The following RPS6KC1 variants were observed in gnomAD, a reference collection of about 807,000 sequenced individuals.
RPS6KC1 encodes the protein inactive ribosomal protein S6 kinase delta-1.
A neutral mutation model predicts 103.8 loss-of-function variants in RPS6KC1; 54 were observed. That is an observed-to-expected ratio of 0.52 (90% CI 0.42 to 0.65). The LOEUF (loss-of-function observed/expected upper bound fraction) is 0.65. Ranked by LOEUF, RPS6KC1 falls within the 30% of genes least tolerant of loss-of-function variation. The pLI, the probability that RPS6KC1 is intolerant of heterozygous loss-of-function variation, is 0.00. For synonymous variants in RPS6KC1, 439 were observed against 438.7 expected, an observed-to-expected ratio of 1.00 and a Z score of -0.01; for missense variants, 1,151 against 1,253.8, an observed-to-expected ratio of 0.92 and a Z score of 1.24.
At chr1:213,221,492 C>G in intron 8 of RPS6KC1, among the ~76,000 whole-genome samples, 1 of 152,250 alleles carries the variant, frequency 6.6e-6, no homozygotes, top group Non-Finnish European at 1.5e-5. Context: ...AGATGGTAAA[C>G]CTTCAGGCTG....
At chr1:213,144,959 C>T (rs2087562218) in intron 6 of RPS6KC1, among the ~76,000 whole-genome samples, 1 of 152,018 alleles carries the variant, frequency 6.6e-6, no homozygotes, top group African/African-American at 2.4e-5. Flanking sequence ...CCTGTAATCC[C>T]ACCTACTCAG....
the RPS6KC1 span, among the ~76,000 whole-genome samples, chr1:213,436,113 T>C: frequency 6.6e-6 from 1 of 152,226 alleles, no homozygotes; most frequent in Non-Finnish European, 1.5e-5. Context: ...TTTTGGGAGT[T>C]TCTCAGGTAG....
At chr1:213,277,431 G>A (rs1379408466), downstream of RPS6KC1, among the ~76,000 whole-genome samples, 1 of 152,212 alleles carries the variant, frequency 6.6e-6, no homozygotes, top group Non-Finnish European at 1.5e-5. Flanking sequence ...CGGTGTAAGA[G>A]AGAAAGTAAC....
At chr1:213,425,429 C>T in the RPS6KC1 span, among the ~76,000 whole-genome samples, 1 of 152,084 alleles carries the variant, frequency 6.6e-6, no homozygotes, top group East Asian at 1.9e-4. Context: ...AAGAGAGATA[C>T]AATAATCTGC....
chr1:213,142,704 C>T (rs966368292), intron 6 of RPS6KC1, among the ~76,000 whole-genome samples: 18 of 152,012 alleles, frequency 1.2e-4, no homozygotes, highest in African/African-American at 4.1e-4. Context: ...CGGCAGCCAG[C>T]AACATAAAAG....
chr1:213,512,420 G>C, the RPS6KC1 span, among the ~76,000 whole-genome samples: 1 of 152,168 alleles, frequency 6.6e-6, no homozygotes, highest in Non-Finnish European at 1.5e-5. Context: ...TTTATAAACT[G>C]AGAAGACTCA....
intron 3 of RPS6KC1, among the ~76,000 whole-genome samples, chr1:213,086,287 G>C (rs1369530825): frequency 6.6e-6 from 1 of 152,188 alleles, no homozygotes. Context: ...AAATTTTGTT[G>C]TCAGTTACTG....
chr1:213,116,954 A>T (rs957286752), intron 4 of RPS6KC1, among the ~76,000 whole-genome samples: 9 of 152,164 alleles, frequency 5.9e-5, no homozygotes, highest in African/African-American at 2.2e-4. Flanking sequence ...TTTTGAGGGT[A>T]ACCTGACCTT....
At chr1:213,133,264 TACTGAAAGTGGC>T (rs1293049579) in intron 6 of RPS6KC1, among the ~76,000 whole-genome samples, 2 of 152,182 alleles carry the variant, frequency 1.3e-5, no homozygotes, top group African/African-American at 4.8e-5. Flanking sequence ...GTTTATATAT[TACTGAAAGTGGC>T]GGATATGATT....
At chr1:213,705,954 C>G in the RPS6KC1 span, among the ~76,000 whole-genome samples, 1 of 152,206 alleles carries the variant, frequency 6.6e-6, no homozygotes, top group Non-Finnish European at 1.5e-5. Flanking sequence ...AGCATGTATC[C>G]AAGATGCAAG....
At chr1:213,584,096 G>A in the RPS6KC1 span, among the ~76,000 whole-genome samples, 15 of 152,134 alleles carry the variant, frequency 9.9e-5, no homozygotes, top group Admixed American at 2.0e-4. Context: ...AGTGTCATGA[G>A]TTCTGATGTT....
the RPS6KC1 span, among the ~76,000 whole-genome samples, chr1:213,759,629 C>T: frequency 1.3e-5 from 2 of 152,330 alleles, no homozygotes; most frequent in South Asian, 4.1e-4. Flanking sequence ...CACATCACCT[C>T]TGTCCTCAGC....
At chr1:213,578,698 C>G in the RPS6KC1 span, among the ~76,000 whole-genome samples, 3 of 152,132 alleles carry the variant, frequency 2.0e-5, no homozygotes, top group African/African-American at 7.2e-5. Flanking sequence ...GCCAATTTCT[C>G]CCATTTGGAT....
chr1:213,086,381 GC>G (rs2148617660), intron 3 of RPS6KC1, among the ~76,000 whole-genome samples: 1 of 152,260 alleles, frequency 6.6e-6, no homozygotes, highest in Non-Finnish European at 1.5e-5. Context: ...GTAGTTCCTT[GC>G]CCATGAAGTT....
chr1:213,844,886 C>T, the RPS6KC1 span, among the ~76,000 whole-genome samples: 1 of 152,140 alleles, frequency 6.6e-6, no homozygotes, highest in Non-Finnish European at 1.5e-5. Flanking sequence ...TGCACACCTT[C>T]CCTACCTCCA....
chr1:213,484,354 A>G, the RPS6KC1 span, among the ~76,000 whole-genome samples: 1 of 152,180 alleles, frequency 6.6e-6, no homozygotes, highest in Non-Finnish European at 1.5e-5. Context: ...TTAATGGGGA[A>G]GGATCTTCTT....
the RPS6KC1 span, among the ~76,000 whole-genome samples, chr1:213,613,003 G>A: frequency 6.6e-6 from 1 of 152,138 alleles, no homozygotes; most frequent in African/African-American, 2.4e-5. Flanking sequence ...GACTCTCATC[G>A]CTTTTATGTC....
At chr1:213,656,545 G>A in the RPS6KC1 span, among the ~76,000 whole-genome samples, 3 of 152,134 alleles carry the variant, frequency 2.0e-5, no homozygotes, top group Non-Finnish European at 4.4e-5. Flanking sequence ...CATTTTTACC[G>A]AAGAGTCAAA....
At chr1:213,396,834 G>C in the RPS6KC1 span, among the ~76,000 whole-genome samples, 6 of 152,206 alleles carry the variant, frequency 3.9e-5, no homozygotes, top group Non-Finnish European at 8.8e-5. Flanking sequence ...AGCTGATAGT[G>C]GGGTGGGGCC....
Sources: allele counts gnomAD v4.1 joint callset (sites outside exome capture counted in the v4.1 genomes callset), GRCh38; gene constraint gnomAD v4.1.1; transcripts MANE v1.5; gene names NCBI Gene and HGNC (gene_info 2026-07-23, HGNC 2026-07-21).